Variants in IMMP2L observed in about 807,000 individuals in gnomAD.
The protein encoded by IMMP2L is inner mitochondrial membrane peptidase subunit 2, also known as mitochondrial inner membrane protease subunit 2.
Under a neutral mutation model 19.3 loss-of-function variants are expected in IMMP2L, and 18 were observed. The ratio of observed to expected loss-of-function variants is 0.93; its 90% confidence interval spans 0.64 to 1.38. IMMP2L has a LOEUF of 1.38. IMMP2L is among the 40% of genes most tolerant of loss of function. The pLI, the probability that IMMP2L is intolerant of heterozygous loss-of-function variation, is 0.00. For synonymous variants in IMMP2L, 76 were observed against 73.0 expected (o/e 1.04, Z -0.21); for missense variants, 233 against 218.2 (o/e 1.07, Z -0.43).
At chr7:111,146,757 G>A (rs191950508) in intron 3 of IMMP2L, among the ~76,000 whole-genome samples, 3 of 152,028 alleles carry the variant, frequency 2.0e-5, no homozygotes, top group East Asian at 3.9e-4. Flanking sequence ...AGAAAGAAAC[G>A]TTTTGAAAAA....
intron 5 of IMMP2L, among the ~76,000 whole-genome samples, chr7:110,848,259 A>G (rs1805859922): frequency 6.6e-6 from 1 of 152,226 alleles, no homozygotes; most frequent in Non-Finnish European, 1.5e-5. Flanking sequence ...GTCTGAACAG[A>G]CAACTCACCA....
At chr7:110,959,751 C>T (rs563544514) in intron 4 of IMMP2L, among the ~76,000 whole-genome samples, 14 of 151,976 alleles carry the variant, frequency 9.2e-5, no homozygotes, top group African/African-American at 3.4e-4. Context: ...ACCCATATGA[C>T]CCTGGTGTCA....
At chr7:111,024,227 A>C (rs1261243290) in intron 3 of IMMP2L, among the ~76,000 whole-genome samples, 1 of 152,234 alleles carries the variant, frequency 6.6e-6, no homozygotes, top group East Asian at 1.9e-4. Context: ...AATAAATAGC[A>C]TATATTTAAA....
chr7:110,760,474 C>T lies in IMMP2L; in HGVS notation c.409-96753G>A, dbSNP rs1798285170. ...CATTAAAGGTCAGAAATGAAATGCC[C>T]ATACCAACAACTAGACTGAGAAGTG... On this transcript the variant is annotated intron_variant, in intron 5 of 5. Transcript: ENST00000405709. This position sits in a 1 kb window ranked among gnomAD's most constrained non-coding sequence, Gnocchi z 4.2. Among the ~76,000 whole-genome samples, 2 of 152,020 alleles carry T rather than the reference C, an allele frequency of 1.3e-5. No individual in the cohort carries two copies. The highest frequency in any genetic ancestry group is 6.6e-5 in the Admixed American group (1 of 15,232).
chr7:110,835,837 A>T (rs1804408092), intron 5 of IMMP2L, among the ~76,000 whole-genome samples: 1 of 152,102 alleles, frequency 6.6e-6, no homozygotes. Flanking sequence ...TATTCAACAA[A>T]TCTTTCTTCA....
intron 5 of IMMP2L, among the ~76,000 whole-genome samples, chr7:110,702,700 T>C (rs1478099089): frequency 6.6e-6 from 1 of 152,192 alleles, no homozygotes; most frequent in Non-Finnish European, 1.5e-5. Context: ...TTTAACATTT[T>C]CAATTTTCAA....
At chr7:111,519,736 G>A (rs2132658257) in intron 2 of IMMP2L, among the ~76,000 whole-genome samples, 1 of 152,178 alleles carries the variant, frequency 6.6e-6, no homozygotes, top group South Asian at 2.1e-4. Flanking sequence ...CTAAAAATAT[G>A]AAGATTGGGA....
intron 3 of IMMP2L, among the ~76,000 whole-genome samples, chr7:111,119,911 G>T (rs1800378497): frequency 1.3e-5 from 2 of 152,128 alleles, no homozygotes; most frequent in African/African-American, 2.4e-5. Flanking sequence ...GGAGGGAGGG[G>T]TTATATGAAA....
intron 3 of IMMP2L, among the ~76,000 whole-genome samples, chr7:111,224,525 G>A (rs1439795287): frequency 6.6e-6 from 1 of 152,028 alleles, no homozygotes; most frequent in African/African-American, 2.4e-5. Context: ...TAAACTAAAT[G>A]ATGATTGCAA....
chr7:111,141,512 T>TA (rs1313841877), intron 3 of IMMP2L, among the ~76,000 whole-genome samples: 2 of 152,116 alleles, frequency 1.3e-5, no homozygotes, highest in East Asian at 3.9e-4. Flanking sequence ...TTAGGTTGCT[T>TA]AATTTTCTAT....
chr7:111,005,487 A>G (rs2129562025), intron 3 of IMMP2L, among the ~76,000 whole-genome samples: 1 of 152,324 alleles, frequency 6.6e-6, no homozygotes, highest in Admixed American at 6.5e-5. Flanking sequence ...TTGGGAAACT[A>G]CTTAAATCTA....
chr7:111,367,191 TG>T (rs2131056819), intron 3 of IMMP2L, among the ~76,000 whole-genome samples: 1 of 151,070 alleles, frequency 6.6e-6, no homozygotes, highest in Admixed American at 6.6e-5. Flanking sequence ...TATTCCTGTG[TG>T]GGTAAAATAT....
chr7:110,835,324 T>C (rs1246079668), intron 5 of IMMP2L, among the ~76,000 whole-genome samples: 1 of 152,156 alleles, frequency 6.6e-6, no homozygotes, highest in Non-Finnish European at 1.5e-5. Context: ...AAGGTGTTTA[T>C]TATCTGAGGC....
chr7:111,297,090 C>T (rs970198144), intron 3 of IMMP2L, among the ~76,000 whole-genome samples: 1 of 151,890 alleles, frequency 6.6e-6, no homozygotes, highest in Non-Finnish European at 1.5e-5. Flanking sequence ...ATATAAAGGG[C>T]TAGAATGAGG....
intron 3 of IMMP2L, among the ~76,000 whole-genome samples, chr7:111,030,824 G>C (rs1585846904): frequency 6.7e-6 from 1 of 149,964 alleles, no homozygotes; most frequent in African/African-American, 2.5e-5. Context: ...GTGTGTATAT[G>C]TGTCTGTGTA....
At chr7:110,766,948 A>G (rs1798704922) in intron 5 of IMMP2L, among the ~76,000 whole-genome samples, 1 of 152,042 alleles carries the variant, frequency 6.6e-6, no homozygotes, top group Non-Finnish European at 1.5e-5. Context: ...TTTCATGCTT[A>G]ATTGGGCCAT....
intron 3 of IMMP2L, among the ~76,000 whole-genome samples, chr7:111,225,691 C>CAAAA (rs36112021): frequency 4.4e-5 from 5 of 112,634 alleles, no homozygotes; most frequent in African/African-American, 6.5e-5. Flanking sequence ...GAGATAGAGC[C>CAAAA]AAAAAAAAAA....
At chr7:110,716,070 A>G (rs1416735415) in intron 5 of IMMP2L, among the ~76,000 whole-genome samples, 2 of 151,910 alleles carry the variant, frequency 1.3e-5, no homozygotes, top group East Asian at 3.9e-4. Flanking sequence ...ATCTGATACA[A>G]GAATAGTGAC....
chr7:111,390,811 G>A (rs189615681), intron 3 of IMMP2L: 14 of 152,136 alleles, frequency 9.2e-5, no homozygotes, highest in African/African-American at 1.7e-4. Flanking sequence ...GAACTGCAGT[G>A]GGGCTAAATT....
Sources: gnomAD v4.1 joint callset for allele counts (sites outside exome capture counted in the v4.1 genomes callset) on GRCh38, gnomAD v4.1.1 for gene constraint, Gnocchi (gnomAD v3.1) non-coding constraint, MANE v1.5 for transcripts, NCBI Gene and HGNC (gene_info 2026-07-23, HGNC 2026-07-21) for gene names.